PHKB: variants seen among roughly 807,000 people sequenced by gnomAD.
PHKB encodes the protein phosphorylase b kinase regulatory subunit beta.
Under a neutral mutation model 152.1 loss-of-function variants are expected in PHKB, and 122 were observed. That is an observed-to-expected ratio of 0.80 (90% CI 0.69 to 0.93). The LOEUF (loss-of-function observed/expected upper bound fraction) is 0.93. Ranked by LOEUF, PHKB falls within the 40% of genes least tolerant of loss-of-function variation. The pLI is 0.00. For missense variants in PHKB, 1,304 were observed against 1,328.4 expected, an observed-to-expected ratio of 0.98 and a Z score of 0.29; for synonymous variants, 436 against 464.9, an observed-to-expected ratio of 0.94 and a Z score of 0.80.
intron 14 of PHKB, among the ~76,000 whole-genome samples, chr16:47,640,397 C>T (rs536312599): frequency 7.9e-5 from 12 of 152,208 alleles, no homozygotes; most frequent in African/African-American, 1.7e-4. Flanking sequence ...CATGTTATAG[C>T]GAATCTTTAT....
intron 3 of PHKB, 78 bp from the exon 4 acceptor site, chr16:47,502,913 A>T (rs577751470): frequency 1.1e-6 from 1 of 891,536 alleles, no homozygotes; most frequent in African/African-American, 1.7e-5. Flanking sequence ...CAGATAGTTA[A>T]ATACTTAATT....
At chr16:47,484,144 A>G (rs538555975) in intron 1 of PHKB, among the ~76,000 whole-genome samples, 3 of 152,200 alleles carry the variant, frequency 2.0e-5, no homozygotes, top group East Asian at 1.9e-4. Context: ...AGGTCAACAC[A>G]TGAAACATCA....
rs1567359079 is a variant in PHKB, at chr16:47,691,995, A to AGT, written c.2766-1381_2766-1380dup. Among the ~76,000 whole-genome samples, 322 of 152,324 alleles carry AGT rather than the reference A, an allele frequency of 2.1e-3. 1 individual carries two copies. The highest frequency in any genetic ancestry group is 7.5e-3 in the African/African-American group (312 of 41,582). On this transcript the variant is annotated intron_variant, in intron 27 of 30. Transcript: ENST00000323584. ...AATGAGGGGAAAATAAAATGCAGGC[A>AGT]GTGGGGTATCCAGTTATCTAAAGTA... is the stretch of plus-strand genomic sequence containing the variant.
chr16:47,587,109 G>A (rs1394016449), intron 8 of PHKB, among the ~76,000 whole-genome samples: 3 of 152,030 alleles, frequency 2.0e-5, no homozygotes, highest in East Asian at 1.9e-4. Context: ...ATCTACATAC[G>A]GATGTTAAAT....
chr16:47,478,547 T>C (rs1274320042), intron 1 of PHKB, among the ~76,000 whole-genome samples: 1 of 150,740 alleles, frequency 6.6e-6, no homozygotes, highest in Admixed American at 6.6e-5. Flanking sequence ...GGTCTTCCAC[T>C]TGCTACCAGT....
At chr16:47,536,998 C>A (rs1338705345) in intron 6 of PHKB, among the ~76,000 whole-genome samples, 4 of 152,138 alleles carry the variant, frequency 2.6e-5, no homozygotes, top group South Asian at 4.1e-4. Flanking sequence ...AACCCAGGTT[C>A]CTGTCGGAGG....
intron 4 of PHKB, among the ~76,000 whole-genome samples, chr16:47,504,232 C>T (rs1264485334): frequency 6.6e-6 from 1 of 152,216 alleles, no homozygotes; most frequent in African/African-American, 2.4e-5. Flanking sequence ...ACTTCATTCC[C>T]CCAGCAACTG....
Position 47,663,775 on chromosome 16 carries a change from T to G in PHKB, c.2336+41T>G, listed in dbSNP as rs781468622. On this transcript the variant is annotated intron_variant, in intron 24 of 30. Transcript: ENST00000323584. ...CTTGTTGTTATGTTTTATTTTTGTG[T>G]TGTTATATTCGATAGCCTAAAGAAA... The G allele has an allele frequency of 9.5e-6, 11 of 1,160,206 alleles. No individual in the cohort carries two copies. The Admixed American group carries it at 1.2e-4, about 12-fold the overall frequency. The allele number at this position is 1,160,206 out of a possible 1,614,324, so 71.9% of individuals were successfully genotyped here.
intron 16 of PHKB, among the ~76,000 whole-genome samples, chr16:47,646,530 TA>T (rs1208539721): frequency 0.064 from 2,835 of 44,602 alleles, 54 homozygotes; most frequent in African/African-American, 0.14. Flanking sequence ...TAGAGTATAA[TA>T]AAAAAAAAAA....
intron 7 of PHKB, among the ~76,000 whole-genome samples, chr16:47,550,053 T>C (rs1426318349): frequency 6.6e-6 from 1 of 152,226 alleles, no homozygotes; most frequent in Non-Finnish European, 1.5e-5. Context: ...GGTATAACAC[T>C]TTAAAATTCC....
intron 13 of PHKB, among the ~76,000 whole-genome samples, chr16:47,597,442 C>G (rs1482261648): frequency 6.6e-6 from 1 of 152,050 alleles, no homozygotes; most frequent in Non-Finnish European, 1.5e-5. Flanking sequence ...CAGGCAGAAG[C>G]TAACCAAATA....
intron 2 of PHKB, among the ~76,000 whole-genome samples, chr16:47,498,566 C>T (rs116328455): frequency 0.011 from 1,639 of 152,198 alleles, 33 homozygotes; most frequent in African/African-American, 0.037. Flanking sequence ...ATCCCAGCTC[C>T]AGAACAGAAT....
At chr16:47,571,939 A>T (rs574978753) in intron 7 of PHKB, among the ~76,000 whole-genome samples, 17 of 152,170 alleles carry the variant, frequency 1.1e-4, no homozygotes, top group Admixed American at 1.1e-3. Flanking sequence ...ATGGTGATCT[A>T]TGCGGGCCAG....
chr16:47,628,753 C>A lies in PHKB; in HGVS notation c.1459-12282C>A, dbSNP rs144004557. Among the ~76,000 whole-genome samples, 87 of 152,230 alleles carry A rather than the reference C, an allele frequency of 5.7e-4. 2 individuals are homozygous for A. The South Asian group carries it at 0.013, about 23-fold the overall frequency. On this transcript the variant is annotated intron_variant, in intron 14 of 30. Transcript: ENST00000323584. ...CAAAAGAACAAAGCTGGAGGCATCA[C>A]GCTACCTGACTTCAAACTATACTGC...
chr16:47,546,818 C>G (rs969907750), intron 6 of PHKB, among the ~76,000 whole-genome samples: 1 of 152,186 alleles, frequency 6.6e-6, no homozygotes, highest in African/African-American at 2.4e-5. Flanking sequence ...TGGTGGACCC[C>G]CCTCCCCCAG....
chr16:47,577,449 T>C (rs1356331497), intron 7 of PHKB, among the ~76,000 whole-genome samples: 4 of 152,196 alleles, frequency 2.6e-5, no homozygotes, highest in Non-Finnish European at 5.9e-5. Flanking sequence ...CCATGTTTTT[T>C]GTTTCTTTTT....
intron 12 of PHKB, among the ~76,000 whole-genome samples, chr16:47,594,897 C>T (rs911513129): frequency 2.6e-5 from 4 of 152,270 alleles, no homozygotes; most frequent in East Asian, 1.9e-4. Context: ...CAGTGAGCCC[C>T]ATTCCTATCT....
At chr16:47,535,722 A>G (rs550234433) in intron 6 of PHKB, among the ~76,000 whole-genome samples, 1 of 152,318 alleles carries the variant, frequency 6.6e-6, no homozygotes, top group East Asian at 1.9e-4. Flanking sequence ...CTCTAATTCA[A>G]TCTCAAACGT....
At chr16:47,596,330 A>G (rs1480139875) in intron 12 of PHKB, 43 bp from the exon 13 acceptor site, 1 of 1,364,274 alleles carries the variant, frequency 7.3e-7, no homozygotes, top group African/African-American at 1.4e-5. Context: ...ATGGACTAAT[A>G]CAGATTTGTT....
Sources: gnomAD v4.1 joint callset for allele counts (sites outside exome capture counted in the v4.1 genomes callset) on GRCh38, gnomAD v4.1.1 for gene constraint, MANE v1.5 for transcripts, NCBI Gene and HGNC (gene_info 2026-07-23, HGNC 2026-07-21) for gene names.